Variants in ANK2 observed in about 807,000 individuals in gnomAD.
ANK2 encodes the protein ankyrin-2.
In ANK2, 83 loss-of-function variants were observed where a neutral mutation model predicts 360.5. The observed-to-expected ratio is 0.23, with a 90% CI of 0.19 to 0.28. The LOEUF (loss-of-function observed/expected upper bound fraction) is 0.28, where lower values mean the gene tolerates loss of function less well. ANK2 is among the 10% of genes least tolerant of loss of function. The pLI is 1.00. For synonymous variants in ANK2, 1,740 were observed against 1,759.5 expected (o/e 0.99, Z 0.28); for missense variants, 4,201 against 4,795.7 (o/e 0.88, Z 3.66).
chr4:112,706,775 T>C, the ANK2 span: 2 of 152,266 alleles, frequency 1.3e-5, no homozygotes, highest in Non-Finnish European at 2.9e-5. Flanking sequence ...ATTAGCCATG[T>C]AGTACAGAAA....
chr4:112,854,565 A>G (rs2065865789), intron 1 of ANK2, among the ~76,000 whole-genome samples: 1 of 152,170 alleles, frequency 6.6e-6, no homozygotes, highest in Non-Finnish European at 1.5e-5. Context: ...TGGTACTGTG[A>G]GAATGAGAGG....
At chr4:113,267,557 T>G (rs553550965) in intron 14 of ANK2, among the ~76,000 whole-genome samples, 2 of 152,208 alleles carry the variant, frequency 1.3e-5, no homozygotes, top group Non-Finnish European at 2.9e-5. Context: ...ATCAGATGGT[T>G]GTAGATGTGT....
chr4:113,279,707 A>C (rs971268451), intron 17 of ANK2, among the ~76,000 whole-genome samples: 2 of 148,586 alleles, frequency 1.3e-5, no homozygotes, highest in African/African-American at 4.9e-5. Flanking sequence ...TAAATATATT[A>C]TATATATCAT....
intron 1 of ANK2, among the ~76,000 whole-genome samples, chr4:112,828,380 C>T (rs1434730763): frequency 6.6e-6 from 1 of 151,762 alleles, no homozygotes; most frequent in Admixed American, 6.6e-5. Flanking sequence ...ATTAAAAGTA[C>T]CCCCCACCAC....
At chr4:112,742,107 G>A in the ANK2 span, among the ~76,000 whole-genome samples, 4 of 151,734 alleles carry the variant, frequency 2.6e-5, no homozygotes, top group East Asian at 1.9e-4. Flanking sequence ...TCTGGGCAAC[G>A]TTTGCAGCCA....
the ANK2 span, among the ~76,000 whole-genome samples, chr4:112,707,256 C>A: frequency 6.6e-6 from 1 of 152,098 alleles, no homozygotes; most frequent in African/African-American, 2.4e-5. Context: ...TTTATGAAAA[C>A]GTGACAGTAA....
At position 113,381,590 on chromosome 4, in the gene ANK2, C is replaced by T. The variant is rs2097174241; in HGVS notation, c.*119C>T. ...GGACGACCTCCAGCGCGATCTCCAG[C>T]AGCTCCTTCGGCATTTCTGCAAGGA... On this transcript the variant is annotated 3_prime_UTR_variant, in exon 46 of 46. Transcript: ENST00000357077. 1 of 1,589,920 alleles carries T rather than the reference C, an allele frequency of 6.3e-7. No individual in the cohort carries two copies. The highest frequency in any genetic ancestry group is 8.6e-7 in the Non-Finnish European group (1 of 1,165,910).
At chr4:112,927,580 A>T (rs1050264794) in intron 2 of ANK2, among the ~76,000 whole-genome samples, 2 of 152,208 alleles carry the variant, frequency 1.3e-5, no homozygotes, top group Admixed American at 6.5e-5. Context: ...AACACTAAAA[A>T]ACAGAAAAAA....
chr4:112,824,303 C>A (rs1205719011), intron 1 of ANK2, among the ~76,000 whole-genome samples: 1 of 151,900 alleles, frequency 6.6e-6, no homozygotes, highest in Non-Finnish European at 1.5e-5. Flanking sequence ...CCTCAGCCTC[C>A]CAGGTAACTA....
At chr4:112,858,673 G>C (rs566175298) in intron 1 of ANK2, among the ~76,000 whole-genome samples, 1 of 152,334 alleles carries the variant, frequency 6.6e-6, no homozygotes, top group South Asian at 2.1e-4. Context: ...TAGGACTATT[G>C]CTGTCACATC....
At chr4:113,107,906 C>T (rs2093830290) in intron 1 of ANK2, among the ~76,000 whole-genome samples, 1 of 152,082 alleles carries the variant, frequency 6.6e-6, no homozygotes. Flanking sequence ...ATGCCCTCTA[C>T]CACATAAAGA....
intron 2 of ANK2, among the ~76,000 whole-genome samples, chr4:112,932,747 C>G (rs1420241510): frequency 1.3e-5 from 2 of 151,842 alleles, no homozygotes. Context: ...AATTAGTTTT[C>G]AAAATAGTTT....
intron 2 of ANK2, among the ~76,000 whole-genome samples, chr4:112,963,216 T>C (rs2035672592): frequency 6.6e-6 from 1 of 152,126 alleles, no homozygotes; most frequent in Non-Finnish European, 1.5e-5. Flanking sequence ...CAAAGCCAAG[T>C]GTGTTTCCAA....
intron 1 of ANK2, among the ~76,000 whole-genome samples, chr4:113,082,051 C>A (rs769314886): frequency 2.6e-5 from 4 of 152,108 alleles, no homozygotes; most frequent in Admixed American, 6.5e-5. Flanking sequence ...TCAGGTGATC[C>A]GCCCGTCTCG....
chr4:113,363,574 T>G, intron 40 of ANK2, 105 bp downstream of exon 40: 2 of 1,261,852 alleles, frequency 1.6e-6, no homozygotes, highest in Non-Finnish European at 2.3e-6. Flanking sequence ...ATGCCATTAA[T>G]CTGCAGTACA....
chr4:112,959,396 C>T (rs184426989), intron 2 of ANK2, among the ~76,000 whole-genome samples: 8 of 152,270 alleles, frequency 5.3e-5, no homozygotes, highest in South Asian at 2.1e-4. Flanking sequence ...GAAGCAGTGC[C>T]TGCTTTCTTC....
chr4:113,349,556 C>T (rs1267861056), intron 36 of ANK2, among the ~76,000 whole-genome samples: 1 of 151,940 alleles, frequency 6.6e-6, no homozygotes, highest in East Asian at 1.9e-4. Context: ...TAGCCATATA[C>T]ACAATCAACT....
chr4:112,757,295 T>C, the ANK2 span, among the ~76,000 whole-genome samples: 1 of 151,946 alleles, frequency 6.6e-6, no homozygotes, highest in South Asian at 2.1e-4. Context: ...TTTTTTTGTA[T>C]TTTTAGTAGA....
intron 2 of ANK2, among the ~76,000 whole-genome samples, chr4:112,949,727 T>G (rs1421148292): frequency 2.0e-5 from 3 of 152,214 alleles, no homozygotes; most frequent in African/African-American, 7.2e-5. Flanking sequence ...ATTGTCATCT[T>G]GGTCTGGAAT....
Sources: gnomAD v4.1 joint callset for allele counts (sites outside exome capture counted in the v4.1 genomes callset) on GRCh38, gnomAD v4.1.1 for gene constraint, MANE v1.5 for transcripts, NCBI Gene and HGNC (gene_info 2026-07-23, HGNC 2026-07-21) for gene names.